GLB1: variants seen among roughly 807,000 people sequenced by gnomAD.
GLB1 encodes the protein galactosidase beta 1, also known as beta-galactosidase.
GLB1 carries 56 observed loss-of-function variants against 74.0 expected under a neutral mutation model. The observed-to-expected ratio is 0.76, with a 90% CI of 0.61 to 0.94. GLB1 has a LOEUF of 0.94. Among genes scored for constraint, GLB1 ranks in the 40% least tolerant of loss-of-function variants. The pLI is 0.00. For missense variants in GLB1, 787 were observed against 845.5 expected (o/e 0.93, Z 0.86); for synonymous variants, 323 against 323.6 (o/e 1.00, Z 0.02).
rs1300459240 is a variant in GLB1, at chr3:32,997,084, G to A, written c.1995C>T (p.Pro665=). 17 of 1,613,988 alleles carry A rather than the reference G, an allele frequency of 1.1e-5. No individual in the cohort carries two copies. Among genetic ancestry groups the A allele is most frequent in the Non-Finnish European group, 1.4e-5 (16 of 1,180,024 alleles). ...GCCATGAATCTTTGTTTTTTTGCGG[G>A]GGTGGGGGCATGAGTCTTTTTTCAA... ...KPVEKRLMPP[P]PQKNKDSWLD... The change falls in exon 16 of 16, where the codon CCC becomes CCT. Residue 665 remains proline (P), a synonymous_variant. Coordinates refer to ENST00000307363, the MANE Select transcript of GLB1 (RefSeq NM_000404.4).
At chr3:32,969,088 C>G in the GLB1 span, among the ~76,000 whole-genome samples, 170 of 152,304 alleles carry the variant, frequency 1.1e-3, 1 homozygote, top group East Asian at 3.3e-3. Flanking sequence ...TTTGACACAT[C>G]GGCCCCTTGG....
chr3:33,088,307 G>A (rs4130168), intron 1 of GLB1, among the ~76,000 whole-genome samples: 7 of 150,510 alleles, frequency 4.7e-5, no homozygotes, highest in African/African-American at 1.7e-4. Flanking sequence ...AAATTAGAAA[G>A]GAGAAGTAAA....
intron 10 of GLB1, among the ~76,000 whole-genome samples, chr3:33,043,612 T>C (rs13079353): frequency 0.099 from 15,061 of 152,136 alleles, 914 homozygotes; most frequent in Non-Finnish European, 0.14. Context: ...AATTCATCTA[T>C]GTATATCAAG....
At chr3:33,074,587 C>G (rs1046858070) in intron 1 of GLB1, among the ~76,000 whole-genome samples, 1 of 148,512 alleles carries the variant, frequency 6.7e-6, no homozygotes, top group Non-Finnish European at 1.5e-5. Context: ...TTTTGAAAGG[C>G]AAGACCTCAA....
At chr3:33,037,517 C>T (rs1698328929) in intron 10 of GLB1, among the ~76,000 whole-genome samples, 2 of 152,120 alleles carry the variant, frequency 1.3e-5, no homozygotes. Context: ...ATAATCAAAT[C>T]AAGTAAATCA....
chr3:33,085,001 G>A (rs1330278504), intron 1 of GLB1, among the ~76,000 whole-genome samples: 1 of 152,208 alleles, frequency 6.6e-6, no homozygotes, highest in Non-Finnish European at 1.5e-5. Flanking sequence ...AACAGGCTGG[G>A]TGCAGTGGCT....
chr3:32,996,902 G>A lies in GLB1; in HGVS notation c.*143C>T. The stretch of plus-strand genomic sequence containing the variant: ...TGAAGGTGGGGCTTTGGCACTGCAG[G>A]GATGCAGGGAAACCTCAGGTGAAAA... On this transcript the variant is annotated 3_prime_UTR_variant, in exon 16 of 16. Coordinates refer to ENST00000307363, the MANE Select transcript of GLB1 (RefSeq NM_000404.4). 1 of 1,492,482 alleles carries A rather than the reference G, an allele frequency of 6.7e-7. No individual in the cohort carries two copies. Among genetic ancestry groups the A allele is most frequent in the Non-Finnish European group, 9.1e-7 (1 of 1,095,002 alleles). 92.5% of individuals were successfully genotyped at this position (1,492,482 alleles called of 1,614,324 possible).
chr3:33,023,825 A>C (rs1005124671), intron 11 of GLB1, among the ~76,000 whole-genome samples: 2 of 152,204 alleles, frequency 1.3e-5, no homozygotes, highest in African/African-American at 4.8e-5. Context: ...AGATGGAGGT[A>C]AGTATATAAT....
At chr3:33,000,857 C>T (rs911293728) in intron 15 of GLB1, among the ~76,000 whole-genome samples, 1 of 152,222 alleles carries the variant, frequency 6.6e-6, no homozygotes, top group African/African-American at 2.4e-5. Flanking sequence ...TTCCATTTCT[C>T]TCTATCCTCA....
intron 10 of GLB1, among the ~76,000 whole-genome samples, chr3:33,024,970 A>G (rs1362438829): frequency 6.6e-6 from 1 of 150,846 alleles, no homozygotes; most frequent in East Asian, 1.9e-4. Context: ...TTTGAGACGA[A>G]GTCTCGGTCT....
intron 2 of GLB1, among the ~76,000 whole-genome samples, 172 bp from the exon 3 acceptor site, chr3:33,069,142 C>T (rs911050603): frequency 3.3e-5 from 5 of 152,074 alleles, no homozygotes; most frequent in Non-Finnish European, 7.4e-5. Context: ...CTAATCCCAG[C>T]ACTCTGGGAA....
intron 1 of GLB1, chr3:33,091,569 C>CG: frequency 1.0e-6 from 1 of 985,422 alleles, no homozygotes; most frequent in Non-Finnish European, 1.2e-6. Context: ...TTACTGTGCA[C>CG]GCTGTGCCAT....
chr3:33,091,311 C>G (rs1559421609), intron 1 of GLB1: 3 of 985,448 alleles, frequency 3.0e-6, no homozygotes, highest in Non-Finnish European at 3.6e-6. Context: ...CCCCCAGAAC[C>G]CCACTATACA....
rs1697335816 is a variant in GLB1, at chr3:33,018,503, G to C, written c.1292C>G (p.Pro431Arg). 6.2e-7 allele frequency: 1 copy of C among 1,614,002 alleles called. No individual in the cohort carries two copies. The highest frequency in any genetic ancestry group is 2.2e-5 in the East Asian group (1 of 44,876). Residue 431 changes from proline to arginine, a missense_variant, in exon 13 of 16, where the codon CCT becomes CGT. By Grantham distance (103) the Pro-to-Arg change is moderately radical. Coordinates refer to ENST00000307363, the MANE Select transcript of GLB1 (RefSeq NM_000404.4). Reference protein sequence around the residue: ...TLPQDCSNPAPLSSPLNGVHD... With the variant: ...TLPQDCSNPARLSSPLNGVHD... ...GACTCCATTGAGGGGTGAAGAGAGA[G>C]GTGCTGGGTTGCTGCAATCTTGAGG...
the GLB1 span, among the ~76,000 whole-genome samples, chr3:32,977,665 C>T: frequency 6.6e-6 from 1 of 152,142 alleles, no homozygotes; most frequent in African/African-American, 2.4e-5. Context: ...GTCCTTGGTA[C>T]CATGAATATG....
At chr3:32,998,347 A>C (rs939190424) in intron 15 of GLB1, among the ~76,000 whole-genome samples, 1 of 152,124 alleles carries the variant, frequency 6.6e-6, no homozygotes, top group Non-Finnish European at 1.5e-5. Context: ...GTCTCTACTA[A>C]AAATACAAAA....
chr3:33,005,396 A>T (rs1696744411), intron 15 of GLB1, among the ~76,000 whole-genome samples: 1 of 152,218 alleles, frequency 6.6e-6, no homozygotes, highest in East Asian at 1.9e-4. Flanking sequence ...TTAAGCACTT[A>T]TAATTTCTTC....
intron 7 of GLB1, 25 bp downstream of exon 7, chr3:33,053,464 AAC>A (rs1699084068): frequency 6.2e-7 from 1 of 1,614,064 alleles, no homozygotes; most frequent in Non-Finnish European, 8.5e-7. Flanking sequence ...AACAGCTGCA[AAC>A]ACACACCTCA....
At chr3:33,021,689 C>A in intron 11 of GLB1, 34 bp from the exon 12 acceptor site, 1 of 1,602,664 alleles carries the variant, frequency 6.2e-7, no homozygotes, top group Non-Finnish European at 8.5e-7. Flanking sequence ...TCACACACTG[C>A]ACCCCTCACT....
Sources: gnomAD v4.1 joint callset for allele counts (sites outside exome capture counted in the v4.1 genomes callset) on GRCh38, gnomAD v4.1.1 for gene constraint, MANE v1.5 for transcripts, NCBI Gene and HGNC (gene_info 2026-07-23, HGNC 2026-07-21) for gene names.